SLC35F3: variants seen among roughly 807,000 people sequenced by gnomAD.
The protein encoded by SLC35F3 is solute carrier family 35 member F3.
Under a neutral mutation model 49.9 loss-of-function variants are expected in SLC35F3, and 25 were observed. The observed-to-expected ratio is 0.50, with a 90% confidence interval of 0.37 to 0.70. The LOEUF is 0.70. Among genes scored for constraint, SLC35F3 ranks in the 30% least tolerant of loss-of-function variants. SLC35F3 has a pLI of 0.00. For synonymous variants in SLC35F3, 275 were observed against 265.4 expected (o/e 1.04, Z -0.35); for missense variants, 525 against 639.8 (o/e 0.82, Z 1.94).
intron 2 of SLC35F3, among the ~76,000 whole-genome samples, chr1:234,122,776 C>T (rs568172456): frequency 3.3e-5 from 5 of 152,288 alleles, no homozygotes; most frequent in South Asian, 2.1e-4. Flanking sequence ...TCATCATCCA[C>T]GTCCCTGCAA....
intron 2 of SLC35F3, among the ~76,000 whole-genome samples, chr1:233,988,259 A>T (rs1663297365): frequency 6.6e-6 from 1 of 152,224 alleles, no homozygotes; most frequent in South Asian, 2.1e-4. Flanking sequence ...TCCAGAAAGC[A>T]ATCATCCAGG....
rs1490183257 is a variant in SLC35F3, at chr1:233,957,242, C to T, written c.283+51484C>T. Among the ~76,000 whole-genome samples, 1 of 152,092 alleles carries T rather than the reference C, an allele frequency of 6.6e-6. No homozygotes were observed. The highest frequency in any genetic ancestry group is 1.5e-5 in the Non-Finnish European group (1 of 68,020). ...TCAGATATGAAATTGGATTTTTGAA[C>T]TGGACTGAAATGTACTACTTAAGGA... On this transcript the variant is annotated intron_variant, in intron 2 of 7. Transcript: ENST00000366618. This position sits in a 1 kb window ranked among gnomAD's most constrained non-coding sequence, Gnocchi z 4.0.
chr1:233,959,945 C>T (rs531720722), intron 2 of SLC35F3, among the ~76,000 whole-genome samples: 3 of 152,346 alleles, frequency 2.0e-5, no homozygotes, highest in African/African-American at 7.2e-5. Context: ...TCCACATCCT[C>T]ACCCACCTTG....
At chr1:234,229,582 C>T (rs1005833635) in intron 2 of SLC35F3, among the ~76,000 whole-genome samples, 1 of 152,242 alleles carries the variant, frequency 6.6e-6, no homozygotes, top group East Asian at 1.9e-4. Context: ...ATTTATTCAG[C>T]CTCTTTTGGA....
At chr1:234,288,253 C>A (rs1057004541) in intron 3 of SLC35F3, among the ~76,000 whole-genome samples, 2 of 152,176 alleles carry the variant, frequency 1.3e-5, no homozygotes, top group Non-Finnish European at 2.9e-5. Context: ...CAGACCCTCC[C>A]CGCCGCCACT....
chr1:234,102,809 A>G (rs371202348), intron 2 of SLC35F3, among the ~76,000 whole-genome samples: 1 of 152,352 alleles, frequency 6.6e-6, no homozygotes. Flanking sequence ...CACAGCCGCT[A>G]AAGTCGGAAC....
chr1:234,122,450 G>C (rs1024225063), intron 2 of SLC35F3, among the ~76,000 whole-genome samples: 1 of 152,014 alleles, frequency 6.6e-6, no homozygotes, highest in Non-Finnish European at 1.5e-5. Context: ...ATCATATTTG[G>C]GGCATTTTTT....
chr1:233,965,169 G>A (rs1032576202), intron 2 of SLC35F3, among the ~76,000 whole-genome samples: 3 of 152,070 alleles, frequency 2.0e-5, no homozygotes, highest in African/African-American at 7.2e-5. Flanking sequence ...AATTCTCTAA[G>A]GGTTGAAGTT....
intron 2 of SLC35F3, among the ~76,000 whole-genome samples, chr1:234,210,257 C>T (rs764979529): frequency 1.3e-5 from 2 of 152,114 alleles, no homozygotes; most frequent in African/African-American, 2.4e-5. Flanking sequence ...CTTTTTCTTC[C>T]CAGTCTTGGG....
intron 2 of SLC35F3, among the ~76,000 whole-genome samples, chr1:234,078,135 G>A (rs1201512380): frequency 6.6e-6 from 1 of 152,078 alleles, no homozygotes; most frequent in Non-Finnish European, 1.5e-5. Context: ...TCATCTCTCT[G>A]CCCCTGTGCA....
intron 2 of SLC35F3, among the ~76,000 whole-genome samples, chr1:234,094,589 A>T (rs1047997740): frequency 6.6e-6 from 1 of 152,166 alleles, no homozygotes; most frequent in Non-Finnish European, 1.5e-5. Flanking sequence ...ATTAGGTTGG[A>T]CACTGTCTAA....
At chr1:234,250,670 A>AG (rs1301421479) in intron 3 of SLC35F3, among the ~76,000 whole-genome samples, 15 of 151,742 alleles carry the variant, frequency 9.9e-5, no homozygotes, top group Non-Finnish European at 2.1e-4. Flanking sequence ...AAAAAAAAAA[A>AG]AAGAAGTTCC....
In SLC35F3 at chr1:234,164,078, CTCTG is replaced by C. The variant is rs1340108800; in HGVS notation, c.284-67335_284-67332del. ...GAAGAAATATGGATTGTAGAAATAGCTCTGTCTCTCTCCCTCTCTCTCTTTCTCT... is the reference window on the plus strand; with the variant it reads ...GAAGAAATATGGATTGTAGAAATAGCTCTCTCTCCCTCTCTCTCTTTCTCT... On this transcript the variant is annotated intron_variant, in intron 2 of 7. Coordinates refer to ENST00000366618, the MANE Select transcript of SLC35F3 (RefSeq NM_173508.4). 6.6e-5 allele frequency among the ~76,000 whole-genome samples: 10 copies of C among 151,734 alleles called. No homozygotes were observed. The South Asian group carries it at 1.9e-3, about 29-fold the overall frequency.
chr1:234,124,643 C>T (rs1038290027), intron 2 of SLC35F3, among the ~76,000 whole-genome samples: 7 of 151,948 alleles, frequency 4.6e-5, no homozygotes, highest in Non-Finnish European at 8.8e-5. Flanking sequence ...GCGGTGGGAG[C>T]GTTACTTGAG....
intron 2 of SLC35F3, among the ~76,000 whole-genome samples, chr1:234,068,875 T>TA (rs1276805713): frequency 3.8e-5 from 5 of 133,102 alleles, no homozygotes; most frequent in Non-Finnish European, 7.8e-5. Flanking sequence ...TATATATATT[T>TA]TACATATTTT....
At chr1:234,317,496 G>T (rs1657519865) in intron 5 of SLC35F3, among the ~76,000 whole-genome samples, 1 of 152,166 alleles carries the variant, frequency 6.6e-6, no homozygotes, top group Admixed American at 6.5e-5. Context: ...TGAGAAAAGA[G>T]ATTTTAGTTT....
At chr1:234,275,213 G>A (rs1438446055) in intron 3 of SLC35F3, among the ~76,000 whole-genome samples, 1 of 152,098 alleles carries the variant, frequency 6.6e-6, no homozygotes, top group Non-Finnish European at 1.5e-5. Flanking sequence ...AAATATTGTA[G>A]AAAATTACCC....
At chr1:234,091,244 C>A (rs532736971) in intron 2 of SLC35F3, among the ~76,000 whole-genome samples, 2 of 152,160 alleles carry the variant, frequency 1.3e-5, no homozygotes, top group Admixed American at 6.5e-5. Context: ...TATCCCCTAG[C>A]GGCTCTGAGG....
intron 3 of SLC35F3, among the ~76,000 whole-genome samples, chr1:234,232,040 G>T (rs1021061332): frequency 6.6e-6 from 1 of 152,158 alleles, no homozygotes; most frequent in African/African-American, 2.4e-5. Flanking sequence ...GCTTAGAAAT[G>T]GGAGAACTGT....
Sources: allele counts gnomAD v4.1 joint callset (sites outside exome capture counted in the v4.1 genomes callset), GRCh38; gene constraint gnomAD v4.1.1; non-coding constraint Gnocchi (gnomAD v3.1); transcripts MANE v1.5; gene names NCBI Gene and HGNC (gene_info 2026-07-23, HGNC 2026-07-21).